The following GAB2 variants were observed in gnomAD, a reference collection of about 807,000 sequenced individuals.
GAB2 encodes GRB2 associated binding protein 2, also known as GRB2-associated-binding protein 2.
In GAB2, 26 loss-of-function variants were observed where a neutral mutation model predicts 65.5. The ratio of observed to expected loss-of-function variants is 0.40; its 90% CI spans 0.29 to 0.55. The LOEUF is 0.55. Among genes scored for constraint, GAB2 ranks in the 20% least tolerant of loss-of-function variants. The pLI is 0.53. For missense variants in GAB2, 884 were observed against 875.8 expected (o/e 1.01, Z -0.12); for synonymous variants, 321 against 329.6 (o/e 0.97, Z 0.28).
In GAB2 at chr11:78,393,609, A is replaced by G. The variant is rs191672914; in HGVS notation, c.75+24037T>C. ...CCTTACAAATAATTATACCCTTTGA[A>G]TCAGACCCTCTTTTGCAGAAATTCA... is the stretch of plus-strand genomic sequence containing the variant. On this transcript the variant is annotated intron_variant, in intron 1 of 9. Coordinates refer to ENST00000361507, the MANE Select transcript of GAB2 (RefSeq NM_080491.3). Among the ~76,000 whole-genome samples, 139 of 152,360 alleles carry G rather than the reference A, an allele frequency of 9.1e-4. 1 individual carries two copies. The highest frequency in any genetic ancestry group is 2.8e-3 in the African/African-American group (115 of 41,592).
chr11:78,307,738 T>G (rs1344730293), intron 1 of GAB2, among the ~76,000 whole-genome samples: 1 of 152,184 alleles, frequency 6.6e-6, no homozygotes, highest in Admixed American at 6.5e-5. Flanking sequence ...TTCATGATAT[T>G]CAATGGAATA....
Position 78,223,418 on chromosome 11 carries a change from G to T in GAB2, c.1561C>A (p.Arg521=), listed in dbSNP as rs763198440. The change falls in exon 6 of 10, where the codon CGG becomes AGG. Residue 521 remains arginine (R), a synonymous_variant. Transcript: ENST00000361507. The part of the protein sequence containing the change: ...PPVNRNLKPD[R]KAKPTPLDLR... ...GGGGAAAGAATGGACTTACCTTTCC[G>T]ATCAGGTTTGAGGTTGCGGTTGACA... is the stretch of plus-strand genomic sequence containing the variant. The T allele has an allele frequency of 6.6e-6, 10 of 1,525,420 alleles. No individual in the cohort carries two copies. In the East Asian group the frequency reaches 1.4e-4, roughly 21 times the overall value. The allele number at this position is 1,525,420 out of a possible 1,614,324, so 94.5% of individuals were successfully genotyped here.
At chr11:78,356,730 G>T (rs1856364415) in intron 1 of GAB2, among the ~76,000 whole-genome samples, 1 of 152,232 alleles carries the variant, frequency 6.6e-6, no homozygotes, top group African/African-American at 2.4e-5. Flanking sequence ...AAAGTTAAAT[G>T]AAAGCAGGTG....
At chr11:78,258,422 T>C (rs1865650263) in intron 2 of GAB2, among the ~76,000 whole-genome samples, 1 of 152,206 alleles carries the variant, frequency 6.6e-6, no homozygotes, top group Non-Finnish European at 1.5e-5. Context: ...GCCCTTCACA[T>C]AATCTATGGC....
At chr11:78,300,524 C>A (rs7130514) in intron 1 of GAB2, among the ~76,000 whole-genome samples, 23,225 of 133,510 alleles carry the variant, frequency 0.17, 2,322 homozygotes, top group East Asian at 0.39. Flanking sequence ...TATAAAAAAA[C>A]AAAAAAACAA....
chr11:78,262,771 A>C (rs551474221), intron 2 of GAB2, among the ~76,000 whole-genome samples: 6 of 152,316 alleles, frequency 3.9e-5, no homozygotes, highest in Non-Finnish European at 5.9e-5. Flanking sequence ...ACCACTGGGA[A>C]GGCCAAAATA....
chr11:78,235,539 C>T (rs1200619766), intron 3 of GAB2, among the ~76,000 whole-genome samples: 1 of 152,154 alleles, frequency 6.6e-6, no homozygotes, highest in Admixed American at 6.5e-5. Context: ...ATGCCTTTAA[C>T]GATACCCAAG....
chr11:78,320,113 G>T (rs1363496980), intron 1 of GAB2, among the ~76,000 whole-genome samples: 1 of 152,178 alleles, frequency 6.6e-6, no homozygotes, highest in Non-Finnish European at 1.5e-5. Context: ...GCCTCGATCT[G>T]CCCCTGCTTG....
chr11:78,309,955 T>C (rs1186227038), intron 1 of GAB2, among the ~76,000 whole-genome samples: 1 of 141,732 alleles, frequency 7.1e-6, no homozygotes, highest in Non-Finnish European at 1.5e-5. Flanking sequence ...TGTGTGTGTG[T>C]GTGTGTGTGT....
At chr11:78,349,085 A>G (rs1436878254) in intron 1 of GAB2, among the ~76,000 whole-genome samples, 3 of 152,246 alleles carry the variant, frequency 2.0e-5, no homozygotes, top group African/African-American at 7.2e-5. Context: ...CCAATGTTCT[A>G]CATCTTCAAT....
At chr11:78,245,243 T>TGAATGTA (rs1413297650) in intron 3 of GAB2, among the ~76,000 whole-genome samples, 2 of 152,222 alleles carry the variant, frequency 1.3e-5, no homozygotes. Flanking sequence ...TATAACAATA[T>TGAATGTA]GAATGTACTT....
At chr11:78,222,748 A>C (rs1296867428) in intron 6 of GAB2, among the ~76,000 whole-genome samples, 1 of 151,748 alleles carries the variant, frequency 6.6e-6, no homozygotes, top group Non-Finnish European at 1.5e-5. Flanking sequence ...ACGCTTAGCT[A>C]ATTTTTATAT....
At chr11:78,325,636 CTCTA>C (rs1043234134) in intron 1 of GAB2, among the ~76,000 whole-genome samples, 2 of 152,266 alleles carry the variant, frequency 1.3e-5, no homozygotes, top group East Asian at 1.9e-4. Flanking sequence ...TTTCTAAGAA[CTCTA>C]TCTGTGTTCT....
chr11:78,341,978 T>C (rs1349537823), intron 1 of GAB2: 15 of 618,154 alleles, frequency 2.4e-5, no homozygotes, highest in Non-Finnish European at 3.0e-5. Context: ...CCAGTGTGTG[T>C]TGTGTTCCCC....
At chr11:78,258,254 C>A (rs766817644) in intron 2 of GAB2, among the ~76,000 whole-genome samples, 8 of 152,180 alleles carry the variant, frequency 5.3e-5, no homozygotes, top group Non-Finnish European at 1.0e-4. Context: ...GTTTTAACAA[C>A]CTCTGGTTCT....
intron 1 of GAB2, among the ~76,000 whole-genome samples, chr11:78,319,937 G>A (rs1855690767): frequency 6.6e-6 from 1 of 151,658 alleles, no homozygotes; most frequent in African/African-American, 2.4e-5. Flanking sequence ...GTGCACCGGT[G>A]TGATCTCGGC....
chr11:78,280,419 T>A, intron 2 of GAB2, 182 bp downstream of exon 2: 1 of 617,496 alleles, frequency 1.6e-6, no homozygotes, highest in Non-Finnish European at 2.9e-6. Context: ...TGGTTTCCAG[T>A]TAGAGCATAA....
chr11:78,404,690 T>C (rs1279571199), intron 1 of GAB2, among the ~76,000 whole-genome samples: 4 of 152,218 alleles, frequency 2.6e-5, no homozygotes, highest in African/African-American at 9.7e-5. Context: ...CTTACTCATA[T>C]GTGGAAGCTA....
Position 78,280,848 on chromosome 11 carries a change from T to C in GAB2, c.129A>G (p.Pro43=). The C allele has an allele frequency of 6.2e-7, 1 of 1,614,126 alleles. No homozygotes were observed. Among genetic ancestry groups the C allele is most frequent in the East Asian group, 2.2e-5 (1 of 44,884 alleles). Residue 43 remains proline, a synonymous_variant, in exon 2 of 10, where the codon CCA becomes CCG. Transcript: ENST00000361507. ...ILRSGRMSGD[P]DVLEYYKNDH... ...CGTTCTTGTAGTATTCCAGAACATC[T>C]GGGTCACCGCTCATCCGGCCACTCC...
Sources: allele counts gnomAD v4.1 joint callset (sites outside exome capture counted in the v4.1 genomes callset), GRCh38; gene constraint gnomAD v4.1.1; transcripts MANE v1.5; gene names NCBI Gene and HGNC (gene_info 2026-07-23, HGNC 2026-07-21).